Variants in UBE2O observed in about 807,000 individuals in gnomAD.
UBE2O encodes the protein (E3-independent) E2 ubiquitin-conjugating enzyme.
A neutral mutation model predicts 125.8 loss-of-function variants in UBE2O; 15 were observed. That is an observed-to-expected ratio of 0.12 (90% confidence interval 0.08 to 0.18). The LOEUF (loss-of-function observed/expected upper bound fraction) is 0.18. Ranked by LOEUF, UBE2O falls within the 10% of genes least tolerant of loss-of-function variation. The pLI is 1.00. For missense variants in UBE2O, 1,280 were observed against 1,723.6 expected (o/e 0.74, Z 4.56); for synonymous variants, 708 against 703.2 (o/e 1.01, Z -0.11).
At chr17:76,423,725 T>TAAATAAATAAATAAATAAAG (rs1407680083) in intron 1 of UBE2O, among the ~76,000 whole-genome samples, 2 of 148,836 alleles carry the variant, frequency 1.3e-5, no homozygotes, top group Non-Finnish European at 3.0e-5. Flanking sequence ...AATAAATAAA[T>TAAATAAATAAATAAATAAAG]AAAAAATAAG....
chr17:76,391,131 T>C lies in UBE2O; in HGVS notation c.3691A>G (p.Ser1231Gly). 1 of 1,614,142 alleles carries C rather than the reference T, an allele frequency of 6.2e-7. No individual in the cohort carries two copies. The highest frequency in any genetic ancestry group is 1.1e-5 in the South Asian group (1 of 91,076). Residue 1231 changes from serine (S) to glycine (G), a missense_variant, in exon 18 of 18, where the codon AGT becomes GGT. By Grantham distance (56) the Ser-to-Gly change is moderately conservative. Coordinates refer to ENST00000319380, the MANE Select transcript of UBE2O (RefSeq NM_022066.4). The surrounding 1 kb of genome is among the most constrained non-coding windows in gnomAD (Gnocchi z 8.4). ...TTTCTCCGCTTCTTTGGTTTCACAC[T>C]GGGTGGCACCGATGCGTCTGGTGCG... is the stretch of plus-strand genomic sequence containing the variant. ...ETAPDASVPP[S>G]VKPKKRRKSY...
At chr17:76,426,695 T>C (rs900174883) in intron 1 of UBE2O, among the ~76,000 whole-genome samples, 2 of 152,084 alleles carry the variant, frequency 1.3e-5, no homozygotes, top group Non-Finnish European at 1.5e-5. Context: ...AACTTAAGAG[T>C]GTGTTCATTC....
At chr17:76,415,868 T>C (rs779614229) in intron 1 of UBE2O, among the ~76,000 whole-genome samples, 40 of 151,856 alleles carry the variant, frequency 2.6e-4, no homozygotes, top group Admixed American at 1.5e-3. Flanking sequence ...TATACATACA[T>C]GTATATACAA....
chr17:76,416,398 C>T (rs2072618045), intron 1 of UBE2O, among the ~76,000 whole-genome samples: 1 of 152,124 alleles, frequency 6.6e-6, no homozygotes, highest in Non-Finnish European at 1.5e-5. Flanking sequence ...TTCTGATGCA[C>T]ACCCCCCAGA....
At chr17:76,430,861 CAATTCGGGTTCTGCAGGCACAA>C in intron 1 of UBE2O, 1 of 393,752 alleles carries the variant, frequency 2.5e-6, no homozygotes. Flanking sequence ...TGACAAATGC[CAATTCGGGTTCTGCAGGCACAA>C]AAAAGTTGCC....
chr17:76,397,234 C>T (rs528827361), intron 13 of UBE2O, among the ~76,000 whole-genome samples: 1 of 152,302 alleles, frequency 6.6e-6, no homozygotes, highest in African/African-American at 2.4e-5. Flanking sequence ...TGTAGAAGGG[C>T]CGACATATCC....
intron 1 of UBE2O, among the ~76,000 whole-genome samples, chr17:76,422,756 T>G (rs2072732593): frequency 6.6e-6 from 1 of 152,214 alleles, no homozygotes; most frequent in Non-Finnish European, 1.5e-5. Flanking sequence ...TCTATCCACC[T>G]GCTTTATTTT....
intron 15 of UBE2O, 66 bp from the exon 16 acceptor site, chr17:76,392,179 C>T: frequency 1.0e-6 from 1 of 967,116 alleles, no homozygotes. Context: ...CTACATGTGG[C>T]ATCTGCATCT....
intron 1 of UBE2O, among the ~76,000 whole-genome samples, chr17:76,430,045 C>T (rs753395308): frequency 6.6e-6 from 1 of 152,202 alleles, no homozygotes; most frequent in Non-Finnish European, 1.5e-5. Flanking sequence ...AAACCTTATT[C>T]CCACCTTGAG....
At chr17:76,406,303 C>T (rs1233414827) in intron 1 of UBE2O, among the ~76,000 whole-genome samples, 1 of 152,222 alleles carries the variant, frequency 6.6e-6, no homozygotes, top group Non-Finnish European at 1.5e-5. Flanking sequence ...CAGCCTGCGT[C>T]TTTTTTAGCT....
chr17:76,434,532 G>C (rs929814016), intron 1 of UBE2O, among the ~76,000 whole-genome samples: 3 of 152,120 alleles, frequency 2.0e-5, no homozygotes, highest in African/African-American at 7.2e-5. Context: ...GAAGAAAAAA[G>C]GATTCCAAGC....
In UBE2O at chr17:76,399,903, T is replaced by G; in HGVS notation, c.1174A>C (p.Lys392Gln). The G allele has an allele frequency of 6.2e-7, 1 of 1,606,902 alleles. No individual in the cohort carries two copies. Among genetic ancestry groups the G allele is most frequent in the Non-Finnish European group, 8.5e-7 (1 of 1,176,398 alleles). ...MAKKVKRLLK[K>Q]QVVRIMSCSP... Reference sequence around the variant, plus strand: ...CATGACATGATCCGCACAACCTGCTTCTTCAACAGGCGCTTCACCTGCAAG... The same window carrying G: ...CATGACATGATCCGCACAACCTGCTGCTTCAACAGGCGCTTCACCTGCAAG... The change falls in exon 9 of 18, where the codon AAG (lysine) becomes CAG (glutamine). Residue 392 changes from lysine (K) to glutamine (Q), a missense_variant. Physicochemically the swap from Lys to Gln is moderately conservative, Grantham distance 53. Around this residue, in one of 10 missense-constraint regions of UBE2O, gnomAD observed 141 missense variants for 141.3 expected, o/e 1.00. Transcript: ENST00000319380. The surrounding 1 kb of genome is among the most constrained non-coding windows in gnomAD (Gnocchi z 6.9).
At position 76,405,606 on chromosome 17, in the gene UBE2O, C is replaced by T. The variant is rs377405687; in HGVS notation, c.418-34G>A. 69 of 1,543,640 alleles carry T rather than the reference C, an allele frequency of 4.5e-5. No homozygotes were observed. The African/African-American group carries it at 8.5e-4, about 19-fold the overall frequency. ...GAAAATACAGGTGTGAGAGAATGGA[C>T]TCTGAAGCCACCACAGAATACAGTT... On this transcript the variant is annotated intron_variant, in intron 1 of 17. Coordinates refer to ENST00000319380, the MANE Select transcript of UBE2O (RefSeq NM_022066.4). This position sits in a 1 kb window ranked among gnomAD's most constrained non-coding sequence, Gnocchi z 6.1.
chr17:76,404,186 C>G lies in UBE2O; in HGVS notation c.588+1020G>C, dbSNP rs1034647916. Among the ~76,000 whole-genome samples, 11 of 152,190 alleles carry G rather than the reference C, an allele frequency of 7.2e-5. No individual in the cohort carries two copies. The highest frequency in any genetic ancestry group is 2.7e-4 in the African/African-American group (11 of 41,440). On this transcript the variant is annotated intron_variant, in intron 3 of 17. Transcript: ENST00000319380. This position sits in a 1 kb window ranked among gnomAD's most constrained non-coding sequence, Gnocchi z 4.3. ...TGGTGGATTTCAGTTTGACAAATGA[C>G]AGGTTATAGACATAATCTGGGACTA... is the stretch of plus-strand genomic sequence containing the variant.
chr17:76,391,611 G>A lies in UBE2O; in HGVS notation c.3211C>T (p.Leu1071=), dbSNP rs756139115. ...TAGTATGGTTCATTTACCAGGATCAGACCTGTGTGGGCGGGACACCTTCCC... is the reference window on the plus strand; with the variant it reads ...TAGTATGGTTCATTTACCAGGATCAAACCTGTGTGGGCGGGACACCTTCCC... ...LLQVLISIQG[L]ILVNEPYYNE... The change falls in exon 18 of 18, where the codon CTG becomes TTG. Residue 1071 remains leucine (L), a splice_region_variant and synonymous_variant. Coordinates refer to ENST00000319380, the MANE Select transcript of UBE2O (RefSeq NM_022066.4). The surrounding 1 kb of genome is among the most constrained non-coding windows in gnomAD (Gnocchi z 8.4). 6.2e-7 allele frequency: 1 copy of A among 1,610,614 alleles called. No individual in the cohort carries two copies. Among genetic ancestry groups the A allele is most frequent in the Non-Finnish European group, 8.5e-7 (1 of 1,177,446 alleles).
chr17:76,394,381 C>A (rs968067342), intron 15 of UBE2O, among the ~76,000 whole-genome samples: 2 of 152,180 alleles, frequency 1.3e-5, no homozygotes, highest in Non-Finnish European at 2.9e-5. Context: ...ATGCACTCAG[C>A]GCTGCCTCAG....
At chr17:76,423,725 T>TAAATAAATAAATAAATAAAAA (rs1407680083) in intron 1 of UBE2O, among the ~76,000 whole-genome samples, 8 of 148,830 alleles carry the variant, frequency 5.4e-5, no homozygotes, top group African/African-American at 2.0e-4. Flanking sequence ...AATAAATAAA[T>TAAATAAATAAATAAATAAAAA]AAAAAATAAG....
intron 15 of UBE2O, among the ~76,000 whole-genome samples, 171 bp from the exon 16 acceptor site, chr17:76,392,284 ATCTC>A (rs1396846790): frequency 1.3e-5 from 2 of 151,742 alleles, no homozygotes; most frequent in South Asian, 4.1e-4. Context: ...CTAAGGACAA[ATCTC>A]TCTCTGCAGA....
rs1157358652 is a variant in UBE2O at position 76,398,784 on chromosome 17, C to A, written c.1783+53G>T. 2 of 1,594,728 alleles carry A rather than the reference C, an allele frequency of 1.3e-6. No homozygotes were observed. The highest frequency in any genetic ancestry group is 1.1e-5 in the South Asian group (1 of 88,042). On this transcript the variant is annotated intron_variant, in intron 10 of 17. Transcript: ENST00000319380. The surrounding 1 kb of genome is among the most constrained non-coding windows in gnomAD (Gnocchi z 5.4). Reference sequence around the variant, plus strand: ...TGCCCATTCTCCACAAGCCCCAACCCGGGCCCTCATTGGCGACCACCCTGC... The same window carrying A: ...TGCCCATTCTCCACAAGCCCCAACCAGGGCCCTCATTGGCGACCACCCTGC...
Sources: allele counts gnomAD v4.1 joint callset (sites outside exome capture counted in the v4.1 genomes callset), GRCh38; gene constraint gnomAD v4.1.1; regional missense constraint gnomAD v4.1.1; non-coding constraint Gnocchi (gnomAD v3.1); transcripts MANE v1.5; gene names NCBI Gene and HGNC (gene_info 2026-07-23, HGNC 2026-07-21).